Variants in D2HGDH observed in about 807,000 individuals in gnomAD.
D2HGDH encodes D-2-hydroxyglutarate dehydrogenase, mitochondrial.
A neutral mutation model predicts 46.9 loss-of-function variants in D2HGDH; 31 were observed. The observed-to-expected ratio is 0.66, with a 90% CI of 0.50 to 0.89. The LOEUF is 0.89. Ranked by LOEUF, D2HGDH falls within the 40% of genes least tolerant of loss-of-function variation. The probability of loss-of-function intolerance (pLI) is 0.00; values close to 1 mark genes in which losing one functional copy is unlikely to be tolerated. For synonymous variants in D2HGDH, 364 were observed against 332.6 expected (o/e 1.09, Z -1.03); for missense variants, 698 against 720.8 (o/e 0.97, Z 0.36).
At chr2:241,762,999 T>C (rs568998332) in intron 9 of D2HGDH, among the ~76,000 whole-genome samples, 1 of 152,212 alleles carries the variant, frequency 6.6e-6, no homozygotes, top group Non-Finnish European at 1.5e-5. Context: ...TAGGAATTAT[T>C]TGAGGCCTGC....
chr2:241,749,468 C>T (rs903676156), intron 6 of D2HGDH: 1 of 1,021,252 alleles, frequency 9.8e-7, no homozygotes, highest in Non-Finnish European at 1.3e-6. Flanking sequence ...CCACTCAGTT[C>T]CTTTCCATCT....
chr2:241,743,063 C>G lies in D2HGDH; in HGVS notation c.490+489C>G, dbSNP rs548010480. 7.7e-5 allele frequency among the ~76,000 whole-genome samples: 10 copies of G among 130,012 alleles called. 1 individual carries two copies. In the East Asian group the frequency reaches 1.9e-3, roughly 24 times the overall value. 85.3% of individuals were successfully genotyped at this position (130,012 alleles called of 152,430 possible). ...GTGAGGGGATCCTGACCCAGGGCGC[C>G]AGGGCGTGGCAGGCGTGAGGGGATC... On this transcript the variant is annotated intron_variant, in intron 4 of 9. Coordinates refer to ENST00000321264, the MANE Select transcript of D2HGDH (RefSeq NM_152783.5). This position sits in a 1 kb window ranked among gnomAD's most constrained non-coding sequence, Gnocchi z 4.8.
At chr2:241,751,075 C>T (rs1697105345) in intron 7 of D2HGDH, among the ~76,000 whole-genome samples, 171 bp from the exon 8 acceptor site, 1 of 152,182 alleles carries the variant, frequency 6.6e-6, no homozygotes, top group African/African-American at 2.4e-5. Flanking sequence ...ACTTTTTAAA[C>T]CTTCTGAAAG....
intron 2 of D2HGDH, among the ~76,000 whole-genome samples, chr2:241,740,475 C>T (rs4073278): frequency 0.056 from 8,458 of 152,304 alleles, 556 homozygotes; most frequent in African/African-American, 0.14. Flanking sequence ...TTACCCACTT[C>T]TGCACACTGT....
chr2:241,751,879 G>A, intron 8 of D2HGDH, among the ~76,000 whole-genome samples: 1 of 143,156 alleles, frequency 7.0e-6, no homozygotes, highest in African/African-American at 2.7e-5. Context: ...GGAGGGGCAA[G>A]GCCTGGGCAG....
At chr2:241,738,633 A>G (rs1483556262) in intron 2 of D2HGDH, among the ~76,000 whole-genome samples, 2 of 152,188 alleles carry the variant, frequency 1.3e-5, no homozygotes, top group Non-Finnish European at 2.9e-5. Context: ...TGACTGGGCA[A>G]GAACTGGCTG....
chr2:241,741,736 G>A (rs957485827), intron 3 of D2HGDH, among the ~76,000 whole-genome samples: 3 of 136,746 alleles, frequency 2.2e-5, no homozygotes, highest in African/African-American at 8.7e-5. Context: ...CATGTATGGG[G>A]CTTGCTGTCT....
chr2:241,767,697 C>A lies in D2HGDH; in HGVS notation c.1307-13C>A. The A allele has an allele frequency of 2.5e-6, 4 of 1,612,538 alleles. No homozygotes were observed. The highest frequency in any genetic ancestry group is 3.4e-6 in the Non-Finnish European group (4 of 1,179,476). On this transcript the variant is annotated splice_polypyrimidine_tract_variant and intron_variant, in intron 9 of 9. Transcript: ENST00000321264. ...CCCTGCCCAGCCTGACCCATGTGCC[C>A]TTGTCCCTCCAGGAGATGGTAACCT...
intron 8 of D2HGDH, chr2:241,755,223 G>A (rs1233169737): frequency 2.3e-5 from 27 of 1,177,450 alleles, no homozygotes; most frequent in East Asian, 7.7e-5. Context: ...CCCGCCCACC[G>A]TGTCCTTCCC....
At position 241,767,878 on chromosome 2, in the gene D2HGDH, C is replaced by CG. The variant is rs1488853142; in HGVS notation, c.1480dup (p.Ala494GlyfsTer55). The CG allele has an allele frequency of 6.2e-7, 1 of 1,608,690 alleles. No individual in the cohort carries two copies. Among genetic ancestry groups the CG allele is most frequent in the African/African-American group, 1.3e-5 (1 of 74,786 alleles). ...GACGTCCTGGGCTACAGCAAGCCACCGGGGGCCCTGCAGCTCATGCAGCAG... is the reference window on the plus strand; with the variant it reads ...GACGTCCTGGGCTACAGCAAGCCACCGGGGGGCCCTGCAGCTCATGCAGCAG... On this transcript the variant is annotated frameshift_variant, in exon 10 of 10. Coordinates refer to ENST00000321264, the MANE Select transcript of D2HGDH (RefSeq NM_152783.5). LOFTEE classifies it high-confidence loss of function.
At chr2:241,735,797 T>C (rs1692626163) in intron 2 of D2HGDH, 9 of 483,786 alleles carry the variant, frequency 1.9e-5, no homozygotes, top group South Asian at 1.8e-4. Flanking sequence ...GGAGTTTCAC[T>C]CTGTCGCCAG....
At chr2:241,744,624 G>A in intron 5 of D2HGDH, 85 bp from the exon 6 acceptor site, 4 of 1,531,728 alleles carry the variant, frequency 2.6e-6, no homozygotes, top group Non-Finnish European at 3.6e-6. Context: ...TCAGGCTGCT[G>A]CAGAAGTGAC....
chr2:241,748,945 C>G (rs1474820990), intron 6 of D2HGDH: 1 of 1,291,432 alleles, frequency 7.7e-7, no homozygotes, highest in Non-Finnish European at 1.0e-6. Flanking sequence ...CACTCCAGGT[C>G]TCAGACAGGA....
At chr2:241,749,465 G>A in intron 6 of D2HGDH, 5 of 1,033,294 alleles carry the variant, frequency 4.8e-6, no homozygotes, top group Non-Finnish European at 6.2e-6. Flanking sequence ...TCTCCACTCA[G>A]TTCCTTTCCA....
Position 241,743,036 on chromosome 2 carries a change from G to T in D2HGDH, c.490+462G>T, listed in dbSNP as rs1022048483. ...GACCCAGGGCGCCAGGGCGTGGCAG[G>T]CGTGAGGGGATCCTGACCCAGGGCG... is the stretch of plus-strand genomic sequence containing the variant. On this transcript the variant is annotated intron_variant, in intron 4 of 9. Coordinates refer to ENST00000321264, the MANE Select transcript of D2HGDH (RefSeq NM_152783.5). This position sits in a 1 kb window ranked among gnomAD's most constrained non-coding sequence, Gnocchi z 4.8. 8.1e-6 allele frequency among the ~76,000 whole-genome samples: 1 copy of T among 124,022 alleles called. No individual in the cohort carries two copies. The highest frequency in any genetic ancestry group is 1.6e-5 in the Non-Finnish European group (1 of 61,050). The allele number at this position is 124,022 out of a possible 152,430, so 81.4% of individuals were successfully genotyped here.
In D2HGDH at chr2:241,743,801, C is replaced by A; in HGVS notation, c.670C>A (p.Leu224Met). Reference sequence around the variant, plus strand: ...ATATGGCTCACTGCATGGGACTGTCCTGGGCCTGGAAGTGGTGAGCTGGGG... The same window carrying A: ...ATATGGCTCACTGCATGGGACTGTCATGGGCCTGGAAGTGGTGAGCTGGGG... Reference protein sequence around the residue: ...LRYGSLHGTVLGLEVVLADGT... With the variant: ...LRYGSLHGTVMGLEVVLADGT... Residue 224 changes from leucine (L) to methionine (M), a missense_variant, in exon 5 of 10, where the codon CTG becomes ATG. By Grantham distance (15) the Leu-to-Met change is conservative (BLOSUM62 2). Coordinates refer to ENST00000321264, the MANE Select transcript of D2HGDH (RefSeq NM_152783.5). The surrounding 1 kb of genome is among the most constrained non-coding windows in gnomAD (Gnocchi z 4.8). 1.2e-6 allele frequency: 2 copies of A among 1,603,104 alleles called. No homozygotes were observed. The highest frequency in any genetic ancestry group is 1.7e-6 in the Non-Finnish European group (2 of 1,175,388).
intron 9 of D2HGDH, 67 bp from the exon 10 acceptor site, chr2:241,767,643 T>C: frequency 6.3e-7 from 1 of 1,594,936 alleles, no homozygotes; most frequent in Non-Finnish European, 8.5e-7. Context: ...GGAGGGGCTG[T>C]TGGGGGAGGA....
intron 9 of D2HGDH, among the ~76,000 whole-genome samples, chr2:241,763,574 G>T (rs1699019558): frequency 6.6e-6 from 1 of 152,112 alleles, no homozygotes; most frequent in African/African-American, 2.4e-5. Context: ...TGCACACTGA[G>T]GCCACACTAA....
At position 241,762,081 on chromosome 2, in the gene D2HGDH, T is replaced by C. The variant is rs542042120; in HGVS notation, c.1307-5629T>C. ...TCTTTTTCTTTTCCTTTTTTTTTTT[T>C]TTTTTTTTGAGATGGAGTCCCGCTC... is the stretch of plus-strand genomic sequence containing the variant. On this transcript the variant is annotated intron_variant, in intron 9 of 9. Coordinates refer to ENST00000321264, the MANE Select transcript of D2HGDH (RefSeq NM_152783.5). Among the ~76,000 whole-genome samples the C allele has an allele frequency of 2.7e-5, 4 of 146,200 alleles. No homozygotes were observed. The East Asian group carries it at 7.9e-4, about 29-fold the overall frequency.
Sources: gnomAD v4.1 joint callset for allele counts (sites outside exome capture counted in the v4.1 genomes callset) on GRCh38, gnomAD v4.1.1 for gene constraint, Gnocchi (gnomAD v3.1) non-coding constraint, MANE v1.5 for transcripts, NCBI Gene and HGNC (gene_info 2026-07-23, HGNC 2026-07-21) for gene names.